The following GPN1 variants were observed in gnomAD, a reference collection of about 807,000 sequenced individuals.
GPN1 encodes the protein GPN-loop GTPase 1.
GPN1 carries 44 observed loss-of-function variants against 55.9 expected under a neutral mutation model. That is an observed-to-expected ratio of 0.79 (90% CI 0.62 to 1.01). The LOEUF (loss-of-function observed/expected upper bound fraction) is 1.01, where lower values mean the gene tolerates loss of function less well. GPN1 is among the 50% of genes least tolerant of loss of function. GPN1 has a pLI of 0.00. For missense variants in GPN1, 466 were observed against 462.8 expected, an observed-to-expected ratio of 1.01 and a Z score of -0.06; for synonymous variants, 179 against 162.5, an observed-to-expected ratio of 1.10 and a Z score of -0.77.
intron 8 of GPN1, 64 bp downstream of exon 8, chr2:27,638,319 A>T: frequency 1.1e-6 from 1 of 894,018 alleles, no homozygotes; most frequent in Non-Finnish European, 1.9e-6. Flanking sequence ...TAGAAGGTTT[A>T]GGTGGGTGAG....
chr2:27,629,039 T>G (rs771274927), upstream of GPN1: 20 of 1,613,740 alleles, frequency 1.2e-5, no homozygotes, highest in African/African-American at 2.7e-5. Flanking sequence ...TATGGTCGGG[T>G]GGGTGGGGCC....
At chr2:27,630,386 G>GTTTTT (rs202052577) in intron 2 of GPN1, among the ~76,000 whole-genome samples, 2 of 82,498 alleles carry the variant, frequency 2.4e-5, no homozygotes, top group African/African-American at 4.8e-5. Context: ...AACAGCTTAG[G>GTTTTT]TTTTTTTTTT....
In GPN1 at chr2:27,632,630, T is replaced by C; in HGVS notation, c.313-3T>C. 5.0e-6 allele frequency: 8 copies of C among 1,596,486 alleles called. No individual in the cohort carries two copies. The highest frequency in any genetic ancestry group is 6.9e-6 in the Non-Finnish European group (8 of 1,164,000). The stretch of plus-strand genomic sequence containing the variant: ...TGTTGTCATTGACATCTTTTTCTTT[T>C]AGGTGATGAAATTTATTGAGAAGGC... On this transcript the variant is annotated splice_polypyrimidine_tract_variant and splice_region_variant and intron_variant, in intron 4 of 13. Transcript: ENST00000610189.
intron 3 of GPN1, 98 bp downstream of exon 3, chr2:27,631,164 T>C: frequency 1.4e-6 from 1 of 708,368 alleles, no homozygotes; most frequent in Non-Finnish European, 2.6e-6. Flanking sequence ...CCTTGTGAAA[T>C]ATACAAGCAA....
intron 12 of GPN1, among the ~76,000 whole-genome samples, chr2:27,644,522 T>G (rs868609072): frequency 1.3e-5 from 2 of 152,160 alleles, no homozygotes; most frequent in African/African-American, 4.8e-5. Context: ...TATATACCTA[T>G]GTTAAAGAGG....
intron 7 of GPN1, among the ~76,000 whole-genome samples, chr2:27,636,807 T>A (rs1487861932): frequency 1.3e-5 from 2 of 152,212 alleles, no homozygotes; most frequent in Non-Finnish European, 2.9e-5. Flanking sequence ...AAGAAAATTA[T>A]TTGATTTGCC....
chr2:27,645,046 C>T (rs1193543411), intron 12 of GPN1, among the ~76,000 whole-genome samples: 1 of 152,104 alleles, frequency 6.6e-6, no homozygotes, highest in Non-Finnish European at 1.5e-5. Flanking sequence ...TAGCTCCCTG[C>T]AGCCTCGAAC....
chr2:27,643,916 C>T lies in GPN1; in HGVS notation c.931+1397C>T, dbSNP rs1035960948. Among the ~76,000 whole-genome samples, 2 of 152,262 alleles carry T rather than the reference C, an allele frequency of 1.3e-5. No individual in the cohort carries two copies. Among genetic ancestry groups the T allele is most frequent in the Middle Eastern group, 3.4e-3 (1 of 294 alleles). The stretch of plus-strand genomic sequence containing the variant: ...TTTTTAGGCCGGGCGCAGTGGCTCA[C>T]GCCTGTAATCCCAGCATTTTGGGAG... On this transcript the variant is annotated intron_variant, in intron 12 of 13. Coordinates refer to ENST00000610189, the MANE Select transcript of GPN1 (RefSeq NM_007266.4). This position sits in a 1 kb window ranked among gnomAD's most constrained non-coding sequence, Gnocchi z 4.0.
Position 27,638,867 on chromosome 2 carries a change from G to A in GPN1, c.571-18G>A. On this transcript the variant is annotated intron_variant, in intron 8 of 13. Coordinates refer to ENST00000610189, the MANE Select transcript of GPN1 (RefSeq NM_007266.4). ...TTGTTGGCTCTGGTTGCTCATAATTGACTTCTCTCTGGTACAGACTGACAT... is the reference window on the plus strand; with the variant it reads ...TTGTTGGCTCTGGTTGCTCATAATTAACTTCTCTCTGGTACAGACTGACAT... 1 of 1,583,178 alleles carries A rather than the reference G, an allele frequency of 6.3e-7. No homozygotes were observed. The highest frequency in any genetic ancestry group is 8.6e-7 in the Non-Finnish European group (1 of 1,167,472).
At position 27,640,084 on chromosome 2, in the gene GPN1, A is replaced by T; in HGVS notation, c.759A>T (p.Glu253Asp). 13 of 1,613,326 alleles carry T rather than the reference A, an allele frequency of 8.1e-6. No individual in the cohort carries two copies. The highest frequency in any genetic ancestry group is 1.1e-5 in the Non-Finnish European group (13 of 1,179,374). ...VSAVLGTGLDELFVQVTSAAE... is the reference protein window; with the variant it reads ...VSAVLGTGLDDLFVQVTSAAE... ...CTGTTCTGGGTACTGGATTAGATGA[A>T]CTCTTTGTGCAAGTTACCAGTGCTG... The change falls in exon 10 of 14, where the codon GAA becomes GAT. Residue 253 changes from glutamate (E) to aspartate (D), a missense_variant. Coordinates refer to ENST00000610189, the MANE Select transcript of GPN1 (RefSeq NM_007266.4).
chr2:27,646,558 C>T (rs901523605), intron 12 of GPN1, among the ~76,000 whole-genome samples: 2 of 152,030 alleles, frequency 1.3e-5, no homozygotes, highest in African/African-American at 2.4e-5. Context: ...TTTTCATTTA[C>T]AGCCCACCTT....
At chr2:27,641,328 C>T (rs750844315) in intron 11 of GPN1, 49 bp downstream of exon 11, 13 of 1,297,540 alleles carry the variant, frequency 1.0e-5, no homozygotes, top group African/African-American at 1.5e-5. Flanking sequence ...TTAAAAAAAC[C>T]CAGCTCAATC....
At chr2:27,632,776 A>G in intron 5 of GPN1, 106 bp downstream of exon 5, 1 of 798,770 alleles carries the variant, frequency 1.3e-6, no homozygotes, top group Non-Finnish European at 2.1e-6. Flanking sequence ...ATAGATTGAG[A>G]TGAAACCATT....
At chr2:27,649,268 C>A (rs12621136) in intron 13 of GPN1, among the ~76,000 whole-genome samples, 134,810 of 150,384 alleles carry the variant, frequency 0.9, 61,715 homozygotes, top group South Asian at 0.99. Context: ...AACAAACAAA[C>A]AAAAAAACAC....
At chr2:27,645,399 T>C (rs1183795727) in intron 12 of GPN1, among the ~76,000 whole-genome samples, 6 of 152,240 alleles carry the variant, frequency 3.9e-5, no homozygotes, top group Admixed American at 3.9e-4. Context: ...TAATTTTTAT[T>C]TGGCTGTCCT....
intron 1 of GPN1, 27 bp downstream of exon 1, chr2:27,629,196 GGGGAGCGCAAAAGGTTGCCTCC>G: frequency 6.2e-7 from 1 of 1,609,272 alleles, no homozygotes; most frequent in Non-Finnish European, 8.5e-7. Context: ...GGGTGTAGTA[GGGGAGCGCAAAAGGTTGCCTCC>G]GGCAGGCGGA....
chr2:27,644,943 T>G lies in GPN1; in HGVS notation c.931+2424T>G, dbSNP rs190711840. On this transcript the variant is annotated intron_variant, in intron 12 of 13. Transcript: ENST00000610189. ...AAGTTCCATGCATACTTGAGTATAC[T>G]TCTATATTATTTCACTGGACTGTTT... Among the ~76,000 whole-genome samples the G allele has an allele frequency of 9.5e-4, 144 of 152,146 alleles. 2 individuals are homozygous for G. The East Asian group carries it at 0.02, about 21-fold the overall frequency.
In GPN1 at chr2:27,629,982, CAGTGCTTTAAAGAG is replaced by C. The variant is rs768246672; in HGVS notation, c.205+32_205+45del. ...GTAAACCAGTAACATAACTTGTGTG[CAGTGCTTTAAAGAG>C]AATGGAAAAGGCCAGGCGTGGTGGC... On this transcript the variant is annotated intron_variant, in intron 2 of 13. Coordinates refer to ENST00000610189, the MANE Select transcript of GPN1 (RefSeq NM_007266.4). The C allele has an allele frequency of 5.2e-5, 64 of 1,225,612 alleles. 1 individual carries two copies. Among genetic ancestry groups the C allele is most frequent in the South Asian group, 1.9e-4 (16 of 83,396 alleles). The allele number at this position is 1,225,612 out of a possible 1,614,324, so 75.9% of individuals were successfully genotyped here.
chr2:27,629,096 C>CA lies in GPN1; in HGVS notation c.38_39insA (p.Gly14TrpfsTer48). 1 of 1,614,212 alleles carries CA rather than the reference C, an allele frequency of 6.2e-7. No individual in the cohort carries two copies. Among genetic ancestry groups the CA allele is most frequent in the Non-Finnish European group, 8.5e-7 (1 of 1,180,042 alleles). On this transcript the variant is annotated frameshift_variant, in exon 1 of 14. Coordinates refer to ENST00000610189, the MANE Select transcript of GPN1 (RefSeq NM_007266.4). LOFTEE classifies it high-confidence loss of function. ...GCAGCTGCCGCTGAGCTCCAGGCTT[C>CA]TGGGGGTCCGCGGCACCCAGTGTGT... is the stretch of plus-strand genomic sequence containing the variant.
Sources: allele counts gnomAD v4.1 joint callset (sites outside exome capture counted in the v4.1 genomes callset), GRCh38; gene constraint gnomAD v4.1.1; non-coding constraint Gnocchi (gnomAD v3.1); transcripts MANE v1.5; gene names NCBI Gene and HGNC (gene_info 2026-07-23, HGNC 2026-07-21).